Variants in MYSM1 observed in about 807,000 individuals in gnomAD.
MYSM1 encodes the protein Myb like, SWIRM and MPN domains 1.
MYSM1 carries 51 observed loss-of-function variants against 116.0 expected under a neutral mutation model. That is an observed-to-expected ratio of 0.44 (90% CI 0.35 to 0.56). MYSM1 has a LOEUF of 0.56. Ranked by LOEUF, MYSM1 falls within the 20% of genes least tolerant of loss-of-function variation. MYSM1 has a pLI of 0.00. For synonymous variants in MYSM1, 313 were observed against 315.2 expected (o/e 0.99, Z 0.07); for missense variants, 900 against 974.9 (o/e 0.92, Z 1.02).
chr1:58,694,379 T>C (rs1388530067), intron 2 of MYSM1, among the ~76,000 whole-genome samples: 1 of 152,046 alleles, frequency 6.6e-6, no homozygotes, highest in Non-Finnish European at 1.5e-5. Context: ...TCCCACCACT[T>C]TGGGAGGCTG....
At chr1:58,672,280 CTGTGTTGAGTT>C (rs1644573625) in intron 11 of MYSM1, among the ~76,000 whole-genome samples, 1 of 152,040 alleles carries the variant, frequency 6.6e-6, no homozygotes. Context: ...CCATATTCTA[CTGTGTTGAGTT>C]TTCTTTCACA....
intron 16 of MYSM1, among the ~76,000 whole-genome samples, chr1:58,665,927 C>G (rs190401465): frequency 6.6e-6 from 1 of 151,992 alleles, no homozygotes; most frequent in African/African-American, 2.4e-5. Flanking sequence ...TGTAGTGGCA[C>G]GTGCCTGTAA....
Position 58,685,197 on chromosome 1 carries a change from C to G in MYSM1, c.454G>C (p.Val152Leu). 6.2e-7 allele frequency: 1 copy of G among 1,609,094 alleles called. No individual in the cohort carries two copies. Among genetic ancestry groups the G allele is most frequent in the Non-Finnish European group, 8.5e-7 (1 of 1,178,490 alleles). The change falls in exon 7 of 20, where the codon GTT becomes CTT. Residue 152 changes from valine (V) to leucine (L), a missense_variant. By Grantham distance (32) the Val-to-Leu change is conservative (BLOSUM62 1). Coordinates refer to ENST00000472487, the MANE Select transcript of MYSM1 (RefSeq NM_001085487.3). ...KISKLIGSRTVLQVKSYARQY... is the reference protein window; with the variant it reads ...KISKLIGSRTLLQVKSYARQY... Reference sequence around the variant, plus strand: ...CTTGCATAACTCTTCACTTGTAAAACAGTGCGGCTTCCAATTAGCTTTGAA... The same window carrying G: ...CTTGCATAACTCTTCACTTGTAAAAGAGTGCGGCTTCCAATTAGCTTTGAA...
chr1:58,658,710 T>C lies in MYSM1; in HGVS notation c.*1287A>G, dbSNP rs2100578993. The stretch of plus-strand genomic sequence containing the variant: ...ATTCTCTGACTACTAAGAAATAAAC[T>C]AAAATCTACTGAATTTCAATAAATG... On this transcript the variant is annotated 3_prime_UTR_variant, in exon 20 of 20. Coordinates refer to ENST00000472487, the MANE Select transcript of MYSM1 (RefSeq NM_001085487.3). 6.6e-6 allele frequency: 1 copy of C among 152,234 alleles called. No homozygotes were observed. 9.4% of individuals were successfully genotyped at this position (152,234 alleles called of 1,614,324 possible).
chr1:58,661,084 G>T, intron 19 of MYSM1, 86 bp downstream of exon 19: 1 of 954,184 alleles, frequency 1.0e-6, no homozygotes, highest in Non-Finnish European at 1.7e-6. Context: ...TATCCACAAA[G>T]TATTAGGCAT....
rs775342119 is a variant in MYSM1, at chr1:58,673,636, A to G, written c.1509T>C (p.Arg503=). The G allele has an allele frequency of 5.0e-6, 8 of 1,613,888 alleles. No homozygotes were observed. In the East Asian group the frequency reaches 1.8e-4, roughly 36 times the overall value. The part of the protein sequence containing the change: ...QRLQSMRTRR[R]RVRDPWGNWC... ...AGTTTCCCCATGGGTCTCGGACCCT[A>G]CGTCTCCTTGTACGCTGCGATGAGA... The change falls in exon 11 of 20, where the codon CGT becomes CGC. Residue 503 remains arginine, a synonymous_variant. Transcript: ENST00000472487.
At chr1:58,674,023 T>C (rs983723264) in intron 10 of MYSM1, among the ~76,000 whole-genome samples, 1 of 152,156 alleles carries the variant, frequency 6.6e-6, no homozygotes, top group African/African-American at 2.4e-5. Flanking sequence ...GCTAAAACAC[T>C]ATGACAAAAT....
At chr1:58,693,900 A>T (rs1003561805) in intron 2 of MYSM1, among the ~76,000 whole-genome samples, 3 of 152,252 alleles carry the variant, frequency 2.0e-5, no homozygotes, top group Admixed American at 6.5e-5. Context: ...AATCCGACTC[A>T]TAAGTCCTGC....
Position 58,682,272 on chromosome 1 carries a change from T to C in MYSM1, c.772A>G (p.Asn258Asp), listed in dbSNP as rs1368247472. 1.2e-6 allele frequency: 2 copies of C among 1,611,414 alleles called. No homozygotes were observed. The highest frequency in any genetic ancestry group is 1.3e-5 in the African/African-American group (1 of 74,826). ...TCAGAAGTAATGAATTCTCCTTGAT[T>C]GGTTTCATGCATTTTACTATTAGGA... is the stretch of plus-strand genomic sequence containing the variant. ...DFPNSKMHET[N>D]QGEFITSDSQ... is the part of the protein sequence containing the mutation. The change falls in exon 8 of 20, where the codon AAT becomes GAT. Residue 258 changes from asparagine (N) to aspartate (D), a missense_variant. This residue lies in a region of MYSM1 where 622 missense variants were observed against 623.7 expected (regional missense o/e 1.00). Coordinates refer to ENST00000472487, the MANE Select transcript of MYSM1 (RefSeq NM_001085487.3).
chr1:58,671,953 G>A lies in MYSM1; in HGVS notation c.1578C>T (p.Leu526=). The A allele has an allele frequency of 6.2e-7, 1 of 1,612,530 alleles. No individual in the cohort carries two copies. Among genetic ancestry groups the A allele is most frequent in the Non-Finnish European group, 8.5e-7 (1 of 1,179,412 alleles). Reference sequence around the variant, plus strand: ...TTCTTTTTGCCAACTCCTCAGCAGAGAGATGCTAAAACAAAATGCCAATTG... The same window carrying A: ...TTCTTTTTGCCAACTCCTCAGCAGAAAGATGCTAAAACAAAATGCCAATTG... ...KDLEGQTFEH[L]SAEELAKRRE... Residue 526 remains leucine, a synonymous_variant, in exon 12 of 20, where the codon CTC becomes CTT. Transcript: ENST00000472487.
chr1:58,668,972 C>T lies in MYSM1; in HGVS notation c.1716+12G>A. The T allele has an allele frequency of 6.3e-7, 1 of 1,589,962 alleles. No homozygotes were observed. The highest frequency in any genetic ancestry group is 8.6e-7 in the Non-Finnish European group (1 of 1,165,268). ...GATTGTCTACTGTCATTCATTAATG[C>T]ATAAATAGTACCTGCTTTTCTTCAC... On this transcript the variant is annotated intron_variant, in intron 13 of 19. Transcript: ENST00000472487.
At chr1:58,674,707 T>G (rs752736637) in intron 10 of MYSM1, among the ~76,000 whole-genome samples, 2 of 151,982 alleles carry the variant, frequency 1.3e-5, no homozygotes, top group Admixed American at 1.3e-4. Context: ...GGGCGGATCA[T>G]GAGGTCAGGA....
intron 3 of MYSM1, among the ~76,000 whole-genome samples, chr1:58,691,256 G>A (rs1177576095): frequency 6.6e-6 from 1 of 151,750 alleles, no homozygotes; most frequent in Non-Finnish European, 1.5e-5. Context: ...CTCCAGCCTG[G>A]GCGACAGAGC....
intron 7 of MYSM1, among the ~76,000 whole-genome samples, chr1:58,683,060 C>A (rs1430825392): frequency 6.6e-6 from 1 of 152,160 alleles, no homozygotes; most frequent in African/African-American, 2.4e-5. Context: ...TAGACTACAA[C>A]TGCATTTCAA....
intron 15 of MYSM1, among the ~76,000 whole-genome samples, 170 bp from the exon 16 acceptor site, chr1:58,667,396 T>C (rs1243720230): frequency 2.0e-5 from 3 of 152,244 alleles, no homozygotes; most frequent in African/African-American, 7.2e-5. Flanking sequence ...AGTCTGATTA[T>C]ATGCTAGGAA....
chr1:58,672,285 T>C (rs146432436), intron 11 of MYSM1, among the ~76,000 whole-genome samples: 113 of 152,260 alleles, frequency 7.4e-4, no homozygotes, highest in African/African-American at 2.2e-3. Flanking sequence ...TTCTACTGTG[T>C]TGAGTTTTCT....
intron 12 of MYSM1, among the ~76,000 whole-genome samples, chr1:58,671,240 G>A (rs675919): frequency 6.6e-6 from 1 of 152,080 alleles, no homozygotes; most frequent in African/African-American, 2.4e-5. Flanking sequence ...AAGACTATAT[G>A]AGCTAATAAA....
chr1:58,676,863 T>C, intron 9 of MYSM1, 63 bp downstream of exon 9: 7 of 1,539,006 alleles, frequency 4.5e-6, no homozygotes, highest in South Asian at 2.4e-5. Context: ...ATCATAGAAA[T>C]GAATAAGTGC....
intron 3 of MYSM1, among the ~76,000 whole-genome samples, chr1:58,691,203 C>A (rs1203663325): frequency 7.2e-6 from 1 of 139,114 alleles, no homozygotes; most frequent in Non-Finnish European, 1.6e-5. Context: ...TGGAGTGAAC[C>A]TGGAAGGCGG....
Sources: gnomAD v4.1 joint callset for allele counts (sites outside exome capture counted in the v4.1 genomes callset) on GRCh38, gnomAD v4.1.1 for gene constraint, gnomAD v4.1.1 regional missense constraint, MANE v1.5 for transcripts, NCBI Gene and HGNC (gene_info 2026-07-23, HGNC 2026-07-21) for gene names.